DIPK1C: variants seen among roughly 807,000 people sequenced by gnomAD.
DIPK1C encodes familial non-conventional Alzheimer's dementia.
A neutral mutation model predicts 28.0 loss-of-function variants in DIPK1C; 33 were observed. The observed-to-expected ratio is 1.18, with a 90% CI of 0.89 to 1.58. DIPK1C has a LOEUF of 1.58. Ranked by LOEUF, DIPK1C falls within the 40% of genes most tolerant of loss-of-function variation. DIPK1C has a pLI of 0.00. For missense variants in DIPK1C, 569 were observed against 568.5 expected (o/e 1.00, Z -0.01); for synonymous variants, 255 against 248.8 (o/e 1.02, Z -0.23).
chr18:74,461,344 T>TTCC (rs1568268256), upstream of DIPK1C, among the ~76,000 whole-genome samples: 12,257 of 118,330 alleles, frequency 0.1, 807 homozygotes, highest in East Asian at 0.23. Flanking sequence ...TCCTTCCTTC[T>TTCC]TTCCTTCCTT....
upstream of DIPK1C, among the ~76,000 whole-genome samples, chr18:74,461,296 A>G (rs1295095805): frequency 2.0e-5 from 3 of 151,804 alleles, no homozygotes; most frequent in Non-Finnish European, 2.9e-5. Flanking sequence ...CTTGAACCTC[A>G]TGCCTCCTCT....
intron 1 of DIPK1C, among the ~76,000 whole-genome samples, chr18:74,454,901 G>A (rs2144531571): frequency 6.6e-6 from 1 of 152,284 alleles, no homozygotes; most frequent in East Asian, 1.9e-4. Context: ...GGGAGAAAGA[G>A]TTCTGAGAAT....
chr18:74,462,245 C>G (rs570255768), upstream of DIPK1C, among the ~76,000 whole-genome samples: 11 of 152,288 alleles, frequency 7.2e-5, no homozygotes, highest in Admixed American at 5.2e-4. Flanking sequence ...ACTTGCATTC[C>G]CTCCATGCTC....
chr18:74,452,427 T>C (rs892546058), intron 1 of DIPK1C, among the ~76,000 whole-genome samples: 1 of 152,086 alleles, frequency 6.6e-6, no homozygotes, highest in African/African-American at 2.4e-5. Context: ...CAACTTAATG[T>C]ACAAATTGCA....
intron 3 of DIPK1C, among the ~76,000 whole-genome samples, chr18:74,437,171 A>T (rs1250097853): frequency 6.6e-6 from 1 of 152,168 alleles, no homozygotes; most frequent in African/African-American, 2.4e-5. Context: ...TCCTAGTGAC[A>T]ACAATGACCA....
intron 1 of DIPK1C, among the ~76,000 whole-genome samples, chr18:74,455,027 C>T (rs1260089256): frequency 2.0e-5 from 3 of 152,180 alleles, no homozygotes; most frequent in African/African-American, 4.8e-5. Flanking sequence ...CCTCCGACAT[C>T]GTTCTTTTGG....
At chr18:74,437,387 G>A (rs973703792) in intron 3 of DIPK1C, among the ~76,000 whole-genome samples, 1 of 152,110 alleles carries the variant, frequency 6.6e-6, no homozygotes, top group Non-Finnish European at 1.5e-5. Flanking sequence ...AATTCTAATC[G>A]GGTATGAAAT....
At chr18:74,443,088 C>G (rs2144517095) in intron 2 of DIPK1C, among the ~76,000 whole-genome samples, 1 of 152,268 alleles carries the variant, frequency 6.6e-6, no homozygotes, top group East Asian at 1.9e-4. Flanking sequence ...TACGCAGAGG[C>G]CCTGAACAGG....
At chr18:74,438,809 G>C (rs1986054665) in intron 3 of DIPK1C, among the ~76,000 whole-genome samples, 1 of 152,232 alleles carries the variant, frequency 6.6e-6, no homozygotes, top group Non-Finnish European at 1.5e-5. Flanking sequence ...AACTGAGGAA[G>C]AAGTAAATGT....
At position 74,457,170 on chromosome 18, in the gene DIPK1C, C is replaced by T. The variant is rs1008045637; in HGVS notation, c.90G>A (p.Ala30=). Residue 30 remains alanine, a synonymous_variant, in exon 1 of 4, where the codon GCG becomes GCA. Coordinates refer to ENST00000343998, the MANE Select transcript of DIPK1C (RefSeq NM_001044369.3). ...CCGCCAGCACCCAGCCCGCGGTCCA[C>T]GCGGCGAAGGCGAGGAGCGTGCCCC... ...CGRGTLLAFA[A]WTAGWVLAAA... 1 of 1,371,972 alleles carries T rather than the reference C, an allele frequency of 7.3e-7. No individual in the cohort carries two copies. The highest frequency in any genetic ancestry group is 9.4e-7 in the Non-Finnish European group (1 of 1,065,882). The allele number at this position is 1,371,972 out of a possible 1,614,324, so 85.0% of individuals were successfully genotyped here.
intron 2 of DIPK1C, 119 bp from the exon 3 acceptor site, chr18:74,442,235 C>G: frequency 4.2e-6 from 5 of 1,178,368 alleles, no homozygotes; most frequent in Non-Finnish European, 4.7e-6. Context: ...ACAGGTGATC[C>G]CAGAAGTCCC....
chr18:74,449,434 G>A (rs1323949675), intron 1 of DIPK1C, among the ~76,000 whole-genome samples: 4 of 152,128 alleles, frequency 2.6e-5, no homozygotes, highest in East Asian at 3.9e-4. Context: ...CGTTCAAAGC[G>A]CTTACTGAAA....
rs564336255 is a variant in DIPK1C at position 74,440,665 on chromosome 18, C to T, written c.1041+1287G>A. Among the ~76,000 whole-genome samples the T allele has an allele frequency of 3.3e-5, 5 of 152,288 alleles. No homozygotes were observed. In the South Asian group the frequency reaches 8.3e-4, roughly 25 times the overall value. ...CCAATTTTCTGTGTGTTCCTCTTGC[C>T]CCTTAATGAATCGGTAAGAGCCCTT... On this transcript the variant is annotated intron_variant, in intron 3 of 3. Coordinates refer to ENST00000343998, the MANE Select transcript of DIPK1C (RefSeq NM_001044369.3).
chr18:74,458,564 G>A (rs1230993313), upstream of DIPK1C, among the ~76,000 whole-genome samples: 1 of 60,030 alleles, frequency 1.7e-5, no homozygotes, highest in Non-Finnish European at 3.3e-5. Context: ...GAAGCACTTC[G>A]GGCACATCAC....
chr18:74,463,260 A>G, the DIPK1C span, among the ~76,000 whole-genome samples: 3 of 152,200 alleles, frequency 2.0e-5, no homozygotes, highest in East Asian at 5.8e-4. Context: ...TCATACCTCT[A>G]GAACCACTCA....
In DIPK1C at chr18:74,457,198, C is replaced by T; in HGVS notation, c.62G>A (p.Gly21Glu). 8.3e-7 allele frequency: 1 copy of T among 1,205,084 alleles called. No individual in the cohort carries two copies. The highest frequency in any genetic ancestry group is 3.3e-5 in the South Asian group (1 of 30,138). The allele number at this position is 1,205,084 out of a possible 1,614,324, so 74.6% of individuals were successfully genotyped here. The change falls in exon 1 of 4, where the codon GGG (glycine) becomes GAG (glutamate). Residue 21 changes from glycine to glutamate, a missense_variant. Physicochemically the swap from Gly to Glu is moderately conservative, Grantham distance 98. Coordinates refer to ENST00000343998, the MANE Select transcript of DIPK1C (RefSeq NM_001044369.3). ...AGWCRRRGRCGRGTLLAFAAW... is the reference protein window; with the variant it reads ...AGWCRRRGRCERGTLLAFAAW... ...GGCGAAGGCGAGGAGCGTGCCCCGC[C>T]CGCAGCGCCCGCGCCTCCTGCACCA...
chr18:74,447,783 A>T lies in DIPK1C; in HGVS notation c.199-500T>A, dbSNP rs942668093. Among the ~76,000 whole-genome samples the T allele has an allele frequency of 6.6e-6, 1 of 152,196 alleles. No homozygotes were observed. The highest frequency in any genetic ancestry group is 2.4e-5 in the African/African-American group (1 of 41,454). On this transcript the variant is annotated intron_variant, in intron 1 of 3. Coordinates refer to ENST00000343998, the MANE Select transcript of DIPK1C (RefSeq NM_001044369.3). The surrounding 1 kb of genome is among the most constrained non-coding windows in gnomAD (Gnocchi z 4.1). ...CAGTAATGACCCTTCCTGCAAGTAC[A>T]TTCCTTGAGCTTACTGTTTTCCACA...
chr18:74,437,153 C>A (rs572752447), intron 3 of DIPK1C, among the ~76,000 whole-genome samples: 1 of 152,324 alleles, frequency 6.6e-6, no homozygotes, highest in East Asian at 1.9e-4. Context: ...TTCTTATCCA[C>A]AAGCTGGTCC....
At chr18:74,463,300 GC>G in the DIPK1C span, among the ~76,000 whole-genome samples, 5 of 152,318 alleles carry the variant, frequency 3.3e-5, no homozygotes, top group African/African-American at 1.2e-4. Context: ...GTTTTGCGAT[GC>G]TTTTGTTGTT....
Sources: allele counts gnomAD v4.1 joint callset (sites outside exome capture counted in the v4.1 genomes callset), GRCh38; gene constraint gnomAD v4.1.1; non-coding constraint Gnocchi (gnomAD v3.1); transcripts MANE v1.5; gene names NCBI Gene and HGNC (gene_info 2026-07-23, HGNC 2026-07-21).